Variants in CTIF observed in about 807,000 individuals in gnomAD.
CTIF encodes cap binding complex dependent translation initiation factor.
Under a neutral mutation model 66.0 loss-of-function variants are expected in CTIF, and 21 were observed. The observed-to-expected ratio is 0.32, with a 90% CI of 0.23 to 0.46. The LOEUF (loss-of-function observed/expected upper bound fraction) is 0.46, where lower values mean the gene tolerates loss of function less well. Among genes scored for constraint, CTIF ranks in the 20% least tolerant of loss-of-function variants. CTIF has a pLI of 1.00. For missense variants in CTIF, 739 were observed against 812.7 expected (o/e 0.91, Z 1.10); for synonymous variants, 345 against 326.4 (o/e 1.06, Z -0.62).
chr18:48,860,290 C>G lies in CTIF; in HGVS notation c.*731C>G, dbSNP rs779016352. 4.7e-5 allele frequency: 14 copies of G among 295,810 alleles called. No individual in the cohort carries two copies. Among genetic ancestry groups the G allele is most frequent in the African/African-American group, 8.7e-5 (4 of 46,074 alleles). 18.3% of individuals were successfully genotyped at this position (295,810 alleles called of 1,614,324 possible). ...TTTCAAAAGTCGGTTGCTTTGAAGT[C>G]TCTTTGGCCAATGAAAATGCCCGTG... On this transcript the variant is annotated 3_prime_UTR_variant, in exon 12 of 12. Coordinates refer to ENST00000256413, the MANE Select transcript of CTIF (RefSeq NM_014772.3).
chr18:48,807,782 A>G (rs1232680878), intron 9 of CTIF, among the ~76,000 whole-genome samples: 2 of 152,170 alleles, frequency 1.3e-5, no homozygotes, highest in East Asian at 3.9e-4. Context: ...GGGTTTCACC[A>G]TGTTGGCCAG....
intron 7 of CTIF, among the ~76,000 whole-genome samples, chr18:48,740,883 G>A (rs928411547): frequency 5.3e-5 from 8 of 152,134 alleles, no homozygotes; most frequent in Non-Finnish European, 8.8e-5. Flanking sequence ...TGCATGCCCC[G>A]ACCCTGCCAA....
intron 3 of CTIF, among the ~76,000 whole-genome samples, chr18:48,638,683 C>T (rs1177399494): frequency 6.6e-6 from 1 of 152,244 alleles, no homozygotes; most frequent in African/African-American, 2.4e-5. Context: ...CAGCTCACCC[C>T]AATCTCACCT....
At chr18:48,752,910 T>C (rs760027158) in intron 7 of CTIF, among the ~76,000 whole-genome samples, 4 of 152,244 alleles carry the variant, frequency 2.6e-5, no homozygotes, top group Non-Finnish European at 4.4e-5. Context: ...CCCTCCCTTA[T>C]ACTTTTCCTT....
chr18:48,805,821 C>T (rs1485237968), intron 9 of CTIF, among the ~76,000 whole-genome samples: 1 of 152,204 alleles, frequency 6.6e-6, no homozygotes. Context: ...TAACAGCCCC[C>T]TACCCTTTGG....
intron 1 of CTIF, among the ~76,000 whole-genome samples, chr18:48,579,223 GTTCAAGTGATTCTCCCAAA>G (rs879815920): frequency 3.9e-5 from 6 of 152,130 alleles, no homozygotes; most frequent in Non-Finnish European, 7.4e-5. Context: ...CGCCTCCCAG[GTTCAAGTGATTCTCCCAAA>G]TTCAAGTGAT....
chr18:48,570,951 G>C (rs1306815702), intron 1 of CTIF, among the ~76,000 whole-genome samples: 1 of 152,196 alleles, frequency 6.6e-6, no homozygotes, highest in Non-Finnish European at 1.5e-5. Flanking sequence ...GCTGGATAGA[G>C]GTGCTGGCTG....
At chr18:48,840,218 G>A (rs1439771054) in intron 10 of CTIF, among the ~76,000 whole-genome samples, 1 of 152,200 alleles carries the variant, frequency 6.6e-6, no homozygotes, top group African/African-American at 2.4e-5. Context: ...ATAAGGGCAG[G>A]ATGCATCCTT....
intron 1 of CTIF, among the ~76,000 whole-genome samples, chr18:48,560,180 C>T (rs1416999953): frequency 6.6e-6 from 1 of 151,718 alleles, no homozygotes; most frequent in African/African-American, 2.4e-5. Flanking sequence ...GGTGGGGACA[C>T]AGACCCTACT....
chr18:48,638,838 G>A (rs374952559), intron 3 of CTIF, among the ~76,000 whole-genome samples: 34 of 152,376 alleles, frequency 2.2e-4, no homozygotes, highest in African/African-American at 7.7e-4. Context: ...TTACAGGGGA[G>A]GAGCCCAAGG....
chr18:48,850,450 G>C (rs12455029), intron 10 of CTIF, among the ~76,000 whole-genome samples: 2 of 152,026 alleles, frequency 1.3e-5, no homozygotes, highest in African/African-American at 4.8e-5. Context: ...GGCCCTCTCC[G>C]TACTGGCAGG....
chr18:48,758,331 C>T lies in CTIF; in HGVS notation c.997C>T (p.Arg333Cys), dbSNP rs150546807. ...ACGTAAAGACAGTATTCTTCCCGAG[C>T]GCATCGGGGAGCGGCCCAAAATTAC... ...TKRKDSILPE[R>C]IGERPKITLL... The change falls in exon 8 of 12, where the codon CGC (arginine) becomes TGC (cysteine). Residue 333 changes from arginine to cysteine, a missense_variant. Physicochemically the swap from Arg to Cys is radical, Grantham distance 180. Coordinates refer to ENST00000256413, the MANE Select transcript of CTIF (RefSeq NM_014772.3). The T allele has an allele frequency of 3.7e-6, 6 of 1,612,550 alleles. No homozygotes were observed. The highest frequency in any genetic ancestry group is 5.1e-6 in the Non-Finnish European group (6 of 1,179,784).
At position 48,771,291 on chromosome 18, in the gene CTIF, A is replaced by G. The variant is rs112364197; in HGVS notation, c.1371+9602A>G. On this transcript the variant is annotated intron_variant, in intron 9 of 11. Coordinates refer to ENST00000256413, the MANE Select transcript of CTIF (RefSeq NM_014772.3). ...TTGGGGCAAAGAATGCGTCTGGGTCATCTTTGTGTCCCACCACCATACTGG... is the reference window on the plus strand; with the variant it reads ...TTGGGGCAAAGAATGCGTCTGGGTCGTCTTTGTGTCCCACCACCATACTGG... Among the ~76,000 whole-genome samples, 1,265 of 152,300 alleles carry G rather than the reference A, an allele frequency of 8.3e-3. 22 individuals are homozygous for G. Among genetic ancestry groups the G allele is most frequent in the African/African-American group, 0.029 (1,219 of 41,552 alleles).
intron 6 of CTIF, among the ~76,000 whole-genome samples, chr18:48,699,808 A>G (rs1191508005): frequency 3.3e-5 from 5 of 152,234 alleles, no homozygotes; most frequent in Non-Finnish European, 7.3e-5. Context: ...TGAGAAAACT[A>G]GAAGCTTAAA....
Position 48,609,910 on chromosome 18 carries a change from C to T in CTIF, c.-28-9628C>T, listed in dbSNP as rs543057996. 2.6e-5 allele frequency among the ~76,000 whole-genome samples: 4 copies of T among 152,216 alleles called. No individual in the cohort carries two copies. In the East Asian group the frequency reaches 7.7e-4, roughly 29 times the overall value. On this transcript the variant is annotated intron_variant, in intron 1 of 11. Transcript: ENST00000256413. Reference sequence around the variant, plus strand: ...TGGGTGACCTTGAGGGTGTGGGGGGCTGGAGCAAGTCAACTCCCAGCATCC... The same window carrying T: ...TGGGTGACCTTGAGGGTGTGGGGGGTTGGAGCAAGTCAACTCCCAGCATCC...
chr18:48,707,252 C>T (rs1479618260), intron 6 of CTIF, among the ~76,000 whole-genome samples: 1 of 152,204 alleles, frequency 6.6e-6, no homozygotes, highest in Non-Finnish European at 1.5e-5. Flanking sequence ...TTCCCATTTA[C>T]CATTCAAGGG....
At chr18:48,846,713 AGATGGGCGGATGGATGGATGGATG>A (rs1436333365) in intron 10 of CTIF, among the ~76,000 whole-genome samples, 7 of 134,868 alleles carry the variant, frequency 5.2e-5, no homozygotes, top group Admixed American at 4.4e-4. Context: ...AAGGATGGAT[AGATGGGCGGATGGATGGATGGATG>A]GATGGATGAG....
At chr18:48,643,247 A>C (rs1051360799) in intron 3 of CTIF, among the ~76,000 whole-genome samples, 4 of 152,250 alleles carry the variant, frequency 2.6e-5, no homozygotes, top group Non-Finnish European at 5.9e-5. Flanking sequence ...AAAGGCATAC[A>C]CATTTATTTA....
intron 9 of CTIF, among the ~76,000 whole-genome samples, chr18:48,775,911 G>A (rs541739383): frequency 6.6e-5 from 10 of 152,342 alleles, no homozygotes; most frequent in African/African-American, 2.2e-4. Context: ...CAGCCGGGCC[G>A]TGACCCCAGG....
Sources: allele counts gnomAD v4.1 joint callset (sites outside exome capture counted in the v4.1 genomes callset), GRCh38; gene constraint gnomAD v4.1.1; transcripts MANE v1.5; gene names NCBI Gene and HGNC (gene_info 2026-07-23, HGNC 2026-07-21).